Variants in RETREG1 observed in about 807,000 individuals in gnomAD.
RETREG1 encodes reticulophagy regulator 1.
RETREG1 carries 44 observed loss-of-function variants against 54.8 expected under a neutral mutation model. That is an observed-to-expected ratio of 0.80 (90% confidence interval 0.63 to 1.03). RETREG1 has a LOEUF of 1.03. Ranked by LOEUF, RETREG1 falls within the 50% of genes least tolerant of loss-of-function variation. The probability of loss-of-function intolerance (pLI) is 0.00; values close to 1 mark genes in which losing one functional copy is unlikely to be tolerated. For synonymous variants in RETREG1, 217 were observed against 238.5 expected (o/e 0.91, Z 0.83); for missense variants, 554 against 605.1 (o/e 0.92, Z 0.89).
intron 3 of RETREG1, among the ~76,000 whole-genome samples, chr5:16,501,533 T>TA (rs965780530): frequency 1.3e-5 from 2 of 152,084 alleles, no homozygotes; most frequent in Non-Finnish European, 2.9e-5. Flanking sequence ...TTATTTATTT[T>TA]TTTATTTTTA....
intron 3 of RETREG1, among the ~76,000 whole-genome samples, chr5:16,485,760 A>G (rs944274632): frequency 6.6e-6 from 1 of 152,164 alleles, no homozygotes; most frequent in Non-Finnish European, 1.5e-5. Context: ...GGTCTTATCT[A>G]TTTTCCACAG....
chr5:16,602,056 A>G (rs1743069478), intron 1 of RETREG1, among the ~76,000 whole-genome samples: 1 of 152,242 alleles, frequency 6.6e-6, no homozygotes, highest in African/African-American at 2.4e-5. Context: ...TGTTTTCCGC[A>G]TACAAGTTCT....
At chr5:16,603,329 A>G (rs143645536) in intron 1 of RETREG1, among the ~76,000 whole-genome samples, 1,905 of 152,330 alleles carry the variant, frequency 0.013, 39 homozygotes, top group African/African-American at 0.044. Flanking sequence ...ACAAGACTTT[A>G]AGATTAGAAA....
chr5:16,495,515 G>A (rs1194344086), intron 3 of RETREG1, among the ~76,000 whole-genome samples: 1 of 152,176 alleles, frequency 6.6e-6, no homozygotes, highest in Non-Finnish European at 1.5e-5. Flanking sequence ...TGCTCCCTAT[G>A]TCCCAGTCAC....
intron 1 of RETREG1, among the ~76,000 whole-genome samples, chr5:16,612,420 G>C (rs1743371527): frequency 6.6e-6 from 1 of 152,244 alleles, no homozygotes; most frequent in Non-Finnish European, 1.5e-5. Flanking sequence ...TTGCTTCTGA[G>C]AGGAAACTGC....
intron 3 of RETREG1, among the ~76,000 whole-genome samples, chr5:16,513,516 G>A (rs780428293): frequency 6.6e-6 from 1 of 152,158 alleles, no homozygotes; most frequent in Non-Finnish European, 1.5e-5. Context: ...TAAATGGCCA[G>A]GCCACTGGAA....
intron 1 of RETREG1, among the ~76,000 whole-genome samples, chr5:16,582,222 T>C (rs1396879594): frequency 2.0e-5 from 3 of 152,198 alleles, no homozygotes; most frequent in Non-Finnish European, 4.4e-5. Flanking sequence ...TAAATCACCA[T>C]ATGCACGTTC....
In RETREG1 at chr5:16,572,077, C is replaced by T. The variant is rs1430621502; in HGVS notation, c.346G>A (p.Val116Ile). ...FWFLALTPWR[V>I]YHLISVMILG... Reference sequence around the variant, plus strand: ...ATCATGACGGAAATCAGGTGATATACTCTCCATGGAGTCAATGCAAGGAAC... The same window carrying T: ...ATCATGACGGAAATCAGGTGATATATTCTCCATGGAGTCAATGCAAGGAAC... Residue 116 changes from valine to isoleucine, a missense_variant, in exon 2 of 9, where the codon GTA becomes ATA. Coordinates refer to ENST00000306320, the MANE Select transcript of RETREG1 (RefSeq NM_001034850.3). 1 of 1,613,506 alleles carries T rather than the reference C, an allele frequency of 6.2e-7. No homozygotes were observed. The highest frequency in any genetic ancestry group is 8.5e-7 in the Non-Finnish European group (1 of 1,179,550).
intron 3 of RETREG1, among the ~76,000 whole-genome samples, chr5:16,528,465 A>G (rs1303882919): frequency 6.6e-6 from 1 of 152,050 alleles, no homozygotes; most frequent in Non-Finnish European, 1.5e-5. Context: ...ATGGATATAT[A>G]TTCCACCTGC....
chr5:16,515,399 T>G (rs1295004710), intron 3 of RETREG1, among the ~76,000 whole-genome samples: 2 of 152,238 alleles, frequency 1.3e-5, no homozygotes, highest in Admixed American at 1.3e-4. Context: ...CAATCTGTTT[T>G]CTTCATATAA....
At chr5:16,595,762 G>A (rs1242279924) in intron 1 of RETREG1, among the ~76,000 whole-genome samples, 1 of 152,132 alleles carries the variant, frequency 6.6e-6, no homozygotes, top group Non-Finnish European at 1.5e-5. Flanking sequence ...ATTTGTCAGG[G>A]GGGCAAGAAA....
At chr5:16,599,252 T>A (rs777441626) in intron 1 of RETREG1, among the ~76,000 whole-genome samples, 1 of 152,090 alleles carries the variant, frequency 6.6e-6, no homozygotes, top group Non-Finnish European at 1.5e-5. Context: ...TAAAAAGAAA[T>A]GCTGTAATGA....
chr5:16,571,411 C>T (rs1447677016), intron 2 of RETREG1, among the ~76,000 whole-genome samples: 2 of 152,062 alleles, frequency 1.3e-5, no homozygotes, highest in Non-Finnish European at 2.9e-5. Flanking sequence ...AAAACTAGCT[C>T]GAACAGTGGT....
chr5:16,556,163 T>C, intron 3 of RETREG1, among the ~76,000 whole-genome samples: 1 of 49,916 alleles, frequency 2.0e-5, no homozygotes, highest in African/African-American at 8.0e-5. Context: ...CTTTTTTTTT[T>C]CTTTTTTTTT....
intron 3 of RETREG1, among the ~76,000 whole-genome samples, chr5:16,550,511 T>C (rs1401434403): frequency 6.6e-6 from 1 of 152,144 alleles, no homozygotes; most frequent in Non-Finnish European, 1.5e-5. Context: ...CCCCCAGACA[T>C]AACTCTGCCC....
intron 3 of RETREG1, among the ~76,000 whole-genome samples, chr5:16,505,877 C>T (rs1263368094): frequency 6.6e-6 from 1 of 152,228 alleles, no homozygotes; most frequent in Non-Finnish European, 1.5e-5. Context: ...CCTGTTTGGG[C>T]TTCTGCCTTC....
At chr5:16,603,258 T>C (rs1743093777) in intron 1 of RETREG1, among the ~76,000 whole-genome samples, 1 of 152,228 alleles carries the variant, frequency 6.6e-6, no homozygotes, top group South Asian at 2.1e-4. Flanking sequence ...TATTCTGTAA[T>C]TGCAGCTTTC....
intron 1 of RETREG1, among the ~76,000 whole-genome samples, chr5:16,578,014 T>G (rs1490049909): frequency 6.6e-6 from 1 of 152,206 alleles, no homozygotes; most frequent in African/African-American, 2.4e-5. Flanking sequence ...GTTTTCTTAT[T>G]CCTTTTTTTC....
chr5:16,591,167 T>A (rs1040604073), intron 1 of RETREG1, among the ~76,000 whole-genome samples: 9 of 152,210 alleles, frequency 5.9e-5, no homozygotes, highest in Non-Finnish European at 1.3e-4. Context: ...ATAGTTGAGA[T>A]GCAGGAAGAC....
Sources: allele counts gnomAD v4.1 joint callset (sites outside exome capture counted in the v4.1 genomes callset), GRCh38; gene constraint gnomAD v4.1.1; transcripts MANE v1.5; gene names NCBI Gene and HGNC (gene_info 2026-07-23, HGNC 2026-07-21).